ZNF678: variants seen among roughly 807,000 people sequenced by gnomAD.
ZNF678 encodes the protein zinc finger protein 678.
Under a neutral mutation model 3.0 loss-of-function variants are expected in ZNF678, and 5 were observed. That is an observed-to-expected ratio of 1.69 (90% confidence interval 0.88 to 3.56). The LOEUF (loss-of-function observed/expected upper bound fraction) is 3.56. Ranked by LOEUF, ZNF678 falls within the 30% of genes most tolerant of loss-of-function variation. ZNF678 has a pLI of 0.00. For missense variants in ZNF678, 593 were observed against 605.0 expected, an observed-to-expected ratio of 0.98 and a Z score of 0.21; for synonymous variants, 218 against 199.6, an observed-to-expected ratio of 1.09 and a Z score of -0.78.
At position 227,642,050 on chromosome 1, in the gene ZNF678, G is replaced by A. The variant is rs958006219; in HGVS notation, c.-163-4494G>A. On this transcript the variant is annotated intron_variant, in intron 1 of 3. Coordinates refer to ENST00000343776, the MANE Select transcript of ZNF678 (RefSeq NM_001367909.1). Reference sequence around the variant, plus strand: ...GCATCTGTTAGAGAAGGCTTCATGAGGGCTATCTCTCCTCCAGATTTTCTC... The same window carrying A: ...GCATCTGTTAGAGAAGGCTTCATGAAGGCTATCTCTCCTCCAGATTTTCTC... Among the ~76,000 whole-genome samples, 13 of 152,182 alleles carry A rather than the reference G, an allele frequency of 8.5e-5. 1 individual carries two copies. Among genetic ancestry groups the A allele is most frequent in the Non-Finnish European group, 1.9e-4 (13 of 68,044 alleles).
At chr1:227,613,494 C>T (rs1658073022) in intron 1 of ZNF678, among the ~76,000 whole-genome samples, 1 of 152,198 alleles carries the variant, frequency 6.6e-6, no homozygotes, top group Non-Finnish European at 1.5e-5. Context: ...TTTGATTTCA[C>T]CTCGAGATGT....
chr1:227,646,958 CA>C (rs1228040128), intron 2 of ZNF678, among the ~76,000 whole-genome samples: 3 of 152,144 alleles, frequency 2.0e-5, no homozygotes, highest in Non-Finnish European at 4.4e-5. Flanking sequence ...ATTACAGTAC[CA>C]AGTTTTGATT....
intron 1 of ZNF678, among the ~76,000 whole-genome samples, chr1:227,578,551 T>G (rs561218024): frequency 1.0e-3 from 157 of 152,388 alleles, no homozygotes; most frequent in Non-Finnish European, 1.6e-3. Flanking sequence ...TACTTGTCAT[T>G]GCATTACAAA....
chr1:227,655,937 A>C lies in ZNF678; in HGVS notation c.*109A>C, dbSNP rs1417119650. On this transcript the variant is annotated 3_prime_UTR_variant, in exon 4 of 4. Transcript: ENST00000343776. ...CAAAATGTAAGCTTCAGAGTGCACA[A>C]CACTATACTGAATGAAATTTATAAA... 1.5e-5 allele frequency: 12 copies of C among 796,846 alleles called. No individual in the cohort carries two copies. The Admixed American group carries it at 3.4e-4, about 23-fold the overall frequency. The allele number at this position is 796,846 out of a possible 1,614,324, so 49.4% of individuals were successfully genotyped here.
At position 227,659,905 on chromosome 1, in the gene ZNF678, C is replaced by T. The variant is rs901440430; in HGVS notation, c.*4077C>T. ...TAAAAAAAAAAAAACAATATATTCT[C>T]AATAACTGTATTCACTCTGCACTAC... On this transcript the variant is annotated 3_prime_UTR_variant, in exon 4 of 4. Coordinates refer to ENST00000343776, the MANE Select transcript of ZNF678 (RefSeq NM_001367909.1). 1 of 151,518 alleles carries T rather than the reference C, an allele frequency of 6.6e-6. No individual in the cohort carries two copies. The highest frequency in any genetic ancestry group is 1.5e-5 in the Non-Finnish European group (1 of 67,908). 9.4% of individuals were successfully genotyped at this position (151,518 alleles called of 1,614,324 possible).
Position 227,655,618 on chromosome 1 carries a change from T to C in ZNF678, c.1368T>C (p.Thr456=), listed in dbSNP as rs200523477. 1.1e-5 allele frequency: 18 copies of C among 1,612,376 alleles called. No homozygotes were observed. Among genetic ancestry groups the C allele is most frequent in the Non-Finnish European group, 1.5e-5 (18 of 1,179,204 alleles). ...TTAGTAAGCATAAGAGAATTCATAC[T>C]GAAGAGAAACCCTACAAATGTGAAG... ...SILSKHKRIH[T]EEKPYKCEEC... Residue 456 remains threonine (T), a synonymous_variant, in exon 4 of 4, where the codon ACT becomes ACC. Coordinates refer to ENST00000343776, the MANE Select transcript of ZNF678 (RefSeq NM_001367909.1).
intron 1 of ZNF678, among the ~76,000 whole-genome samples, chr1:227,640,959 A>C (rs535891068): frequency 6.6e-6 from 1 of 152,256 alleles, no homozygotes; most frequent in Non-Finnish European, 1.5e-5. Flanking sequence ...CCAGATGATC[A>C]TTGAGTACCT....
intron 3 of ZNF678, among the ~76,000 whole-genome samples, chr1:227,653,044 T>C (rs10799438): frequency 6.6e-6 from 1 of 151,958 alleles, no homozygotes; most frequent in Non-Finnish European, 1.5e-5. Context: ...ATTCTTGCTT[T>C]AAAGTTTTTG....
intron 1 of ZNF678, 40 bp downstream of exon 1, chr1:227,563,764 G>A (rs1381861159): frequency 1.5e-5 from 19 of 1,305,870 alleles, no homozygotes; most frequent in Non-Finnish European, 1.9e-5. Flanking sequence ...TGGCGGTCCG[G>A]CCTCCCGGCG....
chr1:227,648,173 T>A (rs1051740911), intron 2 of ZNF678, among the ~76,000 whole-genome samples: 1 of 151,966 alleles, frequency 6.6e-6, no homozygotes, highest in Non-Finnish European at 1.5e-5. Flanking sequence ...TCCCTACATT[T>A]AAAAAAAATA....
chr1:227,636,812 A>G (rs1207491767), intron 1 of ZNF678, among the ~76,000 whole-genome samples: 1 of 152,152 alleles, frequency 6.6e-6, no homozygotes, highest in Non-Finnish European at 1.5e-5. Context: ...TGAGTATCAC[A>G]GTGTAGGGGC....
intron 1 of ZNF678, 130 bp downstream of exon 1, chr1:227,563,854 C>T (rs1656597742): frequency 2.3e-6 from 2 of 855,474 alleles, no homozygotes; most frequent in South Asian, 2.8e-5. Flanking sequence ...GGGGCCAGGC[C>T]GCCGCGGGAT....
chr1:227,605,711 A>C (rs1321865917), intron 1 of ZNF678, among the ~76,000 whole-genome samples: 1 of 152,162 alleles, frequency 6.6e-6, no homozygotes, highest in Non-Finnish European at 1.5e-5. Context: ...CATTTTATGG[A>C]TATTATTAAC....
Position 227,660,078 on chromosome 1 carries a change from C to A in ZNF678, c.*4250C>A, listed in dbSNP as rs1386708277. On this transcript the variant is annotated 3_prime_UTR_variant, in exon 4 of 4. Transcript: ENST00000343776. ...TTTATGAGATCAACTTGTTTAGATT[C>A]CACGTGAGTGAGACCATGAGGTATT... The A allele has an allele frequency of 6.6e-6, 1 of 152,052 alleles. No homozygotes were observed. Among genetic ancestry groups the A allele is most frequent in the Non-Finnish European group, 1.5e-5 (1 of 67,994 alleles). The allele number at this position is 152,052 out of a possible 1,614,324, so 9.4% of individuals were successfully genotyped here.
rs1170565377 is a variant in ZNF678, at chr1:227,658,618, C to T, written c.*2790C>T. On this transcript the variant is annotated 3_prime_UTR_variant, in exon 4 of 4. Coordinates refer to ENST00000343776, the MANE Select transcript of ZNF678 (RefSeq NM_001367909.1). ...GCTACAGATTTCTCACTGTTCTCTG[C>T]AGCCCATGTAATTTCATACAGTATT... 4 of 152,132 alleles carry T rather than the reference C, an allele frequency of 2.6e-5. No individual in the cohort carries two copies. In the East Asian group the frequency reaches 5.8e-4, roughly 22 times the overall value. The allele number at this position is 152,132 out of a possible 1,614,324, so 9.4% of individuals were successfully genotyped here. A position where few individuals can be genotyped will look rare whatever the true frequency, so the allele number is the denominator to read the frequency against.
chr1:227,624,793 C>T (rs1047699835), intron 1 of ZNF678, among the ~76,000 whole-genome samples: 5 of 152,212 alleles, frequency 3.3e-5, no homozygotes, highest in South Asian at 2.1e-4. Flanking sequence ...TTGGGAGCGG[C>T]AGTGGGCACC....
chr1:227,606,753 TAATAGAG>T (rs1657883455), intron 1 of ZNF678, among the ~76,000 whole-genome samples: 1 of 152,088 alleles, frequency 6.6e-6, no homozygotes, highest in African/African-American at 2.4e-5. Context: ...TGTCCCTGGT[TAATAGAG>T]AATGGAGAAT....
In ZNF678 at chr1:227,657,201, A is replaced by G. The variant is rs1465781320; in HGVS notation, c.*1373A>G. Reference sequence around the variant, plus strand: ...CATGTGAAAGCTGGTTGTTAAAAACAAAAACAAACAAACAAAAAACTGATA... The same window carrying G: ...CATGTGAAAGCTGGTTGTTAAAAACGAAAACAAACAAACAAAAAACTGATA... On this transcript the variant is annotated 3_prime_UTR_variant, in exon 4 of 4. Transcript: ENST00000343776. 1.3e-5 allele frequency: 2 copies of G among 151,954 alleles called. No individual in the cohort carries two copies. Among genetic ancestry groups the G allele is most frequent in the Non-Finnish European group, 2.9e-5 (2 of 67,900 alleles). The allele number at this position is 151,954 out of a possible 1,614,324, so 9.4% of individuals were successfully genotyped here.
chr1:227,565,994 C>CTCG (rs1656673975), intron 1 of ZNF678, among the ~76,000 whole-genome samples: 1 of 152,184 alleles, frequency 6.6e-6, no homozygotes, highest in South Asian at 2.1e-4. Context: ...ATCTCCTGAC[C>CTCG]TCGTGATCCG....
Sources: allele counts gnomAD v4.1 joint callset (sites outside exome capture counted in the v4.1 genomes callset), GRCh38; gene constraint gnomAD v4.1.1; transcripts MANE v1.5; gene names NCBI Gene and HGNC (gene_info 2026-07-23, HGNC 2026-07-21).